AKIRIN2: variants seen among roughly 807,000 people sequenced by gnomAD.
AKIRIN2 encodes akirin-2.
A neutral mutation model predicts 29.3 loss-of-function variants in AKIRIN2; 6 were observed. The observed-to-expected ratio is 0.20, with a 90% CI of 0.11 to 0.40. The LOEUF (loss-of-function observed/expected upper bound fraction) is 0.40, where lower values mean the gene tolerates loss of function less well. AKIRIN2 is among the 10% of genes least tolerant of loss of function. AKIRIN2 has a pLI of 1.00. For missense variants in AKIRIN2, 210 were observed against 276.1 expected (o/e 0.76, Z 1.70); for synonymous variants, 128 against 117.5 (o/e 1.09, Z -0.58).
chr6:87,702,190 CCAAGCGAACA>C lies in AKIRIN2; in HGVS notation c.-516_-507del, dbSNP rs1771482946. The C allele has an allele frequency of 2.5e-6, 1 of 398,066 alleles. No individual in the cohort carries two copies. Among genetic ancestry groups the C allele is most frequent in the South Asian group, 1.3e-4 (1 of 7,654 alleles). 24.7% of individuals were successfully genotyped at this position (398,066 alleles called of 1,614,324 possible). A position where few individuals can be genotyped will look rare whatever the true frequency, so the allele number is the denominator to read the frequency against. On this transcript the variant is annotated 5_prime_UTR_variant, in exon 1 of 5. Coordinates refer to ENST00000257787, the MANE Select transcript of AKIRIN2 (RefSeq NM_018064.4). The stretch of plus-strand genomic sequence containing the variant: ...GCGAGGTAGCTGCCGCAGCAGGAAC[CCAAGCGAACA>C]CGTCCAACCGCTTCCCCTCCCTCGT...
chr6:87,699,713 A>G (rs1283601574), intron 1 of AKIRIN2, among the ~76,000 whole-genome samples: 2 of 152,240 alleles, frequency 1.3e-5, no homozygotes, highest in Non-Finnish European at 2.9e-5. Context: ...ATGCCAATGA[A>G]AAGTCGTTTA....
intron 3 of AKIRIN2, among the ~76,000 whole-genome samples, chr6:87,677,080 GAAAAAAA>G (rs552579299): frequency 8.9e-6 from 1 of 112,678 alleles, no homozygotes; most frequent in Non-Finnish European, 1.9e-5. Flanking sequence ...TCCGTCTCAG[GAAAAAAA>G]AAAAAAAAAA....
At chr6:87,690,070 G>A (rs965681451) in intron 1 of AKIRIN2, among the ~76,000 whole-genome samples, 2 of 152,026 alleles carry the variant, frequency 1.3e-5, no homozygotes, top group Admixed American at 1.3e-4. Context: ...AAAATTAGCT[G>A]AGCATGGTGG....
At chr6:87,697,431 C>T (rs1455783911) in intron 1 of AKIRIN2, among the ~76,000 whole-genome samples, 2 of 152,032 alleles carry the variant, frequency 1.3e-5, no homozygotes, top group Admixed American at 6.6e-5. Context: ...GCTACATACA[C>T]AGTCCTAAAT....
At chr6:87,686,369 G>T (rs1407161536) in intron 1 of AKIRIN2, among the ~76,000 whole-genome samples, 1 of 151,906 alleles carries the variant, frequency 6.6e-6, no homozygotes, top group East Asian at 1.9e-4. Context: ...AATTGATGGG[G>T]GCAAGATAAA....
rs1745847779 is a variant in AKIRIN2 at position 87,701,832 on chromosome 6, G to A, written c.-148C>T. On this transcript the variant is annotated 5_prime_UTR_variant, in exon 1 of 5. Coordinates refer to ENST00000257787, the MANE Select transcript of AKIRIN2 (RefSeq NM_018064.4). ...AAGCGGGTCGCGGAGCGCCGGCTGT[G>A]GAAAGGAGAGCCGCTGCCGCCGCTG... 9.6e-6 allele frequency: 5 copies of A among 522,990 alleles called. No individual in the cohort carries two copies. The South Asian group carries it at 2.2e-4, about 23-fold the overall frequency. 32.4% of individuals were successfully genotyped at this position (522,990 alleles called of 1,614,324 possible). A position where few individuals can be genotyped will look rare whatever the true frequency, so the allele number is the denominator to read the frequency against.
chr6:87,681,841 G>A, intron 1 of AKIRIN2, 78 bp from the exon 2 acceptor site: 1 of 1,249,448 alleles, frequency 8.0e-7, no homozygotes, highest in East Asian at 2.6e-5. Flanking sequence ...ACATTATTTA[G>A]TAGACCAATC....
In AKIRIN2 at chr6:87,681,656, G is replaced by T; in HGVS notation, c.343C>A (p.Pro115Thr). Residue 115 changes from proline (P) to threonine (T), a missense_variant, in exon 2 of 5, where the codon CCA becomes ACA. Coordinates refer to ENST00000257787, the MANE Select transcript of AKIRIN2 (RefSeq NM_018064.4). ...GGTCCACTGAGGAGAAATGCATGTGGCTGTGCATCAGAAGTACAACACGGA... is the reference window on the plus strand; with the variant it reads ...GGTCCACTGAGGAGAAATGCATGTGTCTGTGCATCAGAAGTACAACACGGA... ...TDPCCTSDAQPHAFLLSGPAS... is the reference protein window; with the variant it reads ...TDPCCTSDAQTHAFLLSGPAS... 6.2e-7 allele frequency: 1 copy of T among 1,612,574 alleles called. No individual in the cohort carries two copies. The highest frequency in any genetic ancestry group is 8.5e-7 in the Non-Finnish European group (1 of 1,179,586).
At chr6:87,681,099 A>G (rs956410627) in intron 2 of AKIRIN2, among the ~76,000 whole-genome samples, 1 of 151,974 alleles carries the variant, frequency 6.6e-6, no homozygotes, top group African/African-American at 2.4e-5. Flanking sequence ...GTGCAGTGGC[A>G]TGATCTCAGC....
intron 1 of AKIRIN2, among the ~76,000 whole-genome samples, chr6:87,684,720 TGG>T (rs1771163242): frequency 1.3e-5 from 2 of 152,226 alleles, no homozygotes; most frequent in Non-Finnish European, 2.9e-5. Flanking sequence ...TCCTTTTTAT[TGG>T]TGAGTATTCC....
chr6:87,680,284 T>G (rs1272554579), intron 2 of AKIRIN2, among the ~76,000 whole-genome samples: 14 of 1,892 alleles, frequency 7.4e-3, no homozygotes, highest in African/African-American at 0.018. Context: ...TGGTCTTTGA[T>G]TTTTTTTTTT....
chr6:87,681,877 T>C (rs1236723727), intron 1 of AKIRIN2, 114 bp from the exon 2 acceptor site: 9 of 900,078 alleles, frequency 1.0e-5, no homozygotes, highest in Non-Finnish European at 1.3e-5. Context: ...TTTCAAATAA[T>C]ATCCAGAAAA....
chr6:87,693,663 TG>T (rs1020743908), intron 1 of AKIRIN2, among the ~76,000 whole-genome samples: 41 of 148,860 alleles, frequency 2.8e-4, no homozygotes, highest in African/African-American at 9.1e-4. Flanking sequence ...AGGCAGAGGT[TG>T]CAGTGAGCTG....
At position 87,701,364 on chromosome 6, in the gene AKIRIN2, C is replaced by G. The variant is rs186685328; in HGVS notation, c.235+86G>C. 78 of 1,390,398 alleles carry G rather than the reference C, an allele frequency of 5.6e-5. No homozygotes were observed. In the East Asian group the frequency reaches 2.0e-3, roughly 36 times the overall value. The allele number at this position is 1,390,398 out of a possible 1,614,324, so 86.1% of individuals were successfully genotyped here. ...AACAAGAACCACACAGTCCGGCACC[C>G]CCACCCCAGGGGCCGCATCCCACAC... On this transcript the variant is annotated intron_variant, in intron 1 of 4. Transcript: ENST00000257787.
intron 1 of AKIRIN2, among the ~76,000 whole-genome samples, chr6:87,682,215 A>C (rs1253861673): frequency 6.6e-6 from 1 of 152,212 alleles, no homozygotes; most frequent in Non-Finnish European, 1.5e-5. Context: ...ATTCAAGCAC[A>C]CAACAGTCTG....
At chr6:87,701,357 C>T in intron 1 of AKIRIN2, 93 bp downstream of exon 1, 3 of 1,336,042 alleles carry the variant, frequency 2.2e-6, no homozygotes, top group South Asian at 1.4e-5. Flanking sequence ...CCACACAGTC[C>T]GGCACCCCCA....
intron 2 of AKIRIN2, 148 bp downstream of exon 2, chr6:87,681,472 T>C (rs1771121191): frequency 3.8e-6 from 3 of 784,172 alleles, no homozygotes; most frequent in Non-Finnish European, 3.8e-6. Context: ...TTGTACCATA[T>C]TATTTTTTAA....
At chr6:87,689,984 G>A (rs1330763644) in intron 1 of AKIRIN2, among the ~76,000 whole-genome samples, 1 of 152,188 alleles carries the variant, frequency 6.6e-6, no homozygotes, top group Non-Finnish European at 1.5e-5. Flanking sequence ...GGCCAAGGCA[G>A]TTGGTCACTT....
rs1345098161 is a variant in AKIRIN2 at position 87,675,531 on chromosome 6, A to G, written c.*66T>C. ...AGGGGTATTGGCATTGCTGCATGTC[A>G]TAATTGGGACCTCTTGCAACAACTC... On this transcript the variant is annotated 3_prime_UTR_variant, in exon 5 of 5. Transcript: ENST00000257787. 1.3e-6 allele frequency: 2 copies of G among 1,593,228 alleles called. No individual in the cohort carries two copies. Among genetic ancestry groups the G allele is most frequent in the Non-Finnish European group, 1.7e-6 (2 of 1,161,284 alleles).
Sources: allele counts gnomAD v4.1 joint callset (sites outside exome capture counted in the v4.1 genomes callset), GRCh38; gene constraint gnomAD v4.1.1; transcripts MANE v1.5; gene names NCBI Gene and HGNC (gene_info 2026-07-23, HGNC 2026-07-21).